FGF12: variants seen among roughly 807,000 people sequenced by gnomAD.
The protein encoded by FGF12 is fibroblast growth factor 12B.
A neutral mutation model predicts 23.6 loss-of-function variants in FGF12; 14 were observed. That is an observed-to-expected ratio of 0.59 (90% CI 0.39 to 0.93). The LOEUF (loss-of-function observed/expected upper bound fraction) is 0.93, where lower values mean the gene tolerates loss of function less well. Ranked by LOEUF, FGF12 falls within the 40% of genes least tolerant of loss-of-function variation. FGF12 has a pLI of 0.00. For synonymous variants in FGF12, 62 were observed against 77.3 expected (o/e 0.80, Z 1.04); for missense variants, 175 against 217.8 (o/e 0.80, Z 1.24).
chr3:192,651,386 C>A (rs1317779278), intron 2 of FGF12, among the ~76,000 whole-genome samples: 1 of 152,136 alleles, frequency 6.6e-6, no homozygotes, highest in African/African-American at 2.4e-5. Context: ...AGGTCTCACA[C>A]CCTGTCAAGC....
intron 2 of FGF12, among the ~76,000 whole-genome samples, chr3:192,493,277 A>T (rs1248885332): frequency 4.6e-5 from 7 of 152,156 alleles, no homozygotes; most frequent in Admixed American, 4.6e-4. Context: ...TCTCTGCAAC[A>T]TCAATCTGTG....
chr3:192,708,028 C>T lies in FGF12; in HGVS notation c.13+19153G>A, dbSNP rs567679998. ...AGGCTGGAGTGCTGTGGCGCGATCT[C>T]GGCTCACTGCAAGCTCCGCCTCCTG... On this transcript the variant is annotated intron_variant, in intron 2 of 5. Transcript: ENST00000445105. Among the ~76,000 whole-genome samples, 110 of 152,212 alleles carry T rather than the reference C, an allele frequency of 7.2e-4. 3 individuals are homozygous for T. Among genetic ancestry groups the T allele is most frequent in the African/African-American group, 2.4e-3 (100 of 41,538 alleles).
chr3:192,158,568 C>T (rs901760892), intron 5 of FGF12, among the ~76,000 whole-genome samples: 13 of 109,714 alleles, frequency 1.2e-4, no homozygotes, highest in African/African-American at 5.2e-4. Context: ...CCCTCCCTTT[C>T]TTTCTCTTTC....
intron 4 of FGF12, among the ~76,000 whole-genome samples, chr3:192,253,571 A>G (rs1235511841): frequency 2.0e-5 from 3 of 152,172 alleles, no homozygotes; most frequent in Non-Finnish European, 4.4e-5. Context: ...AAATGTGTCC[A>G]GAATTACAGA....
At chr3:192,536,353 T>G (rs1725222252) in intron 2 of FGF12, among the ~76,000 whole-genome samples, 1 of 152,172 alleles carries the variant, frequency 6.6e-6, no homozygotes, top group Admixed American at 6.6e-5. Context: ...TAGACAGATT[T>G]TAAAACATAT....
rs147902307 is a variant in FGF12, at chr3:192,316,825, C to T, written c.228+18536G>A. ...CCCCAGGCAGTGCAGCTAGCAGCTA[C>T]GGGAGAGACATCTTCCTTCTGCTTA... On this transcript the variant is annotated intron_variant, in intron 4 of 5. Coordinates refer to ENST00000445105, the MANE Select transcript of FGF12 (RefSeq NM_004113.6). 1.6e-3 allele frequency among the ~76,000 whole-genome samples: 245 copies of T among 152,252 alleles called. 1 individual carries two copies. The highest frequency in any genetic ancestry group is 4.5e-3 in the African/African-American group (187 of 41,550).
intron 2 of FGF12, among the ~76,000 whole-genome samples, chr3:192,550,030 C>A (rs370302320): frequency 3.9e-5 from 6 of 152,072 alleles, no homozygotes; most frequent in African/African-American, 9.6e-5. Context: ...CTGTCTCTCT[C>A]TATATATGTA....
At chr3:192,625,230 T>G (rs1715125125) in intron 2 of FGF12, among the ~76,000 whole-genome samples, 2 of 152,146 alleles carry the variant, frequency 1.3e-5, no homozygotes, top group African/African-American at 4.8e-5. Flanking sequence ...TATCTGTAAT[T>G]TTGACAGATG....
At chr3:192,455,625 T>C (rs1302012481) in intron 2 of FGF12, among the ~76,000 whole-genome samples, 1 of 152,224 alleles carries the variant, frequency 6.6e-6, no homozygotes, top group Non-Finnish European at 1.5e-5. Flanking sequence ...ATGCTAAATA[T>C]AAACATACGT....
chr3:192,399,955 C>T (rs1720687743), intron 2 of FGF12, among the ~76,000 whole-genome samples: 1 of 152,140 alleles, frequency 6.6e-6, no homozygotes, highest in African/African-American at 2.4e-5. Context: ...GTTACAAGAC[C>T]GCCACCCTCA....
chr3:192,482,351 G>A (rs552230936), intron 2 of FGF12, among the ~76,000 whole-genome samples: 1 of 152,212 alleles, frequency 6.6e-6, no homozygotes, highest in South Asian at 2.1e-4. Flanking sequence ...AAAACAGTAT[G>A]AGCCGGACGT....
At chr3:192,511,461 G>T (rs910601230) in intron 2 of FGF12, among the ~76,000 whole-genome samples, 3 of 152,076 alleles carry the variant, frequency 2.0e-5, no homozygotes, top group African/African-American at 7.2e-5. Context: ...CATTTCCCCT[G>T]ACTACATTTT....
Position 192,408,358 on chromosome 3 carries a change from G to A in FGF12, c.14-47820C>T, listed in dbSNP as rs1576959059. The A allele has an allele frequency of 2.5e-5, 36 of 1,424,352 alleles. No individual in the cohort carries two copies. In the East Asian group the frequency reaches 9.2e-4, roughly 37 times the overall value. 88.2% of individuals were successfully genotyped at this position (1,424,352 alleles called of 1,614,324 possible). A position where few individuals can be genotyped will look rare whatever the true frequency, so the allele number is the denominator to read the frequency against. ...GGCAGTGCTAAAATTTGAGGAGGCT[G>A]CAGTATCGAAAACCCGGCGCTCACA... On this transcript the variant is annotated intron_variant, in intron 2 of 5. Coordinates refer to ENST00000445105, the MANE Select transcript of FGF12 (RefSeq NM_004113.6). The surrounding 1 kb of genome is among the most constrained non-coding windows in gnomAD (Gnocchi z 7.3).
At chr3:192,157,760 GCA>G (rs1463477308) in intron 5 of FGF12, among the ~76,000 whole-genome samples, 1 of 152,130 alleles carries the variant, frequency 6.6e-6, no homozygotes, top group African/African-American at 2.4e-5. Context: ...TATTTATAAA[GCA>G]CACAGCTATA....
intron 4 of FGF12, among the ~76,000 whole-genome samples, chr3:192,215,689 G>C (rs959901039): frequency 2.0e-5 from 3 of 152,142 alleles, no homozygotes; most frequent in Non-Finnish European, 2.9e-5. Context: ...AGCCATCTCT[G>C]TACAGATTAG....
chr3:192,167,462 A>G (rs1041574340), intron 5 of FGF12, among the ~76,000 whole-genome samples: 1 of 151,988 alleles, frequency 6.6e-6, no homozygotes, highest in Non-Finnish European at 1.5e-5. Flanking sequence ...GGAGAGAGGT[A>G]GTAAAAGCTG....
intron 4 of FGF12, among the ~76,000 whole-genome samples, chr3:192,297,275 A>C (rs891289224): frequency 6.6e-6 from 1 of 152,246 alleles, no homozygotes; most frequent in Admixed American, 6.5e-5. Flanking sequence ...TAAAAATTAA[A>C]AACGTCTTCT....
intron 4 of FGF12, among the ~76,000 whole-genome samples, chr3:192,179,637 C>A (rs1002187843): frequency 2.6e-5 from 4 of 151,886 alleles, no homozygotes; most frequent in African/African-American, 9.7e-5. Flanking sequence ...CCTCCGCCTC[C>A]CGGGTTCAAG....
intron 2 of FGF12, among the ~76,000 whole-genome samples, chr3:192,442,896 C>A (rs1297162535): frequency 1.2e-4 from 18 of 151,774 alleles, no homozygotes; most frequent in Admixed American, 1.2e-3. Flanking sequence ...CAACCTCCGC[C>A]CTCCGAGTTC....
Sources: allele counts gnomAD v4.1 joint callset (sites outside exome capture counted in the v4.1 genomes callset), GRCh38; gene constraint gnomAD v4.1.1; non-coding constraint Gnocchi (gnomAD v3.1); transcripts MANE v1.5; gene names NCBI Gene and HGNC (gene_info 2026-07-23, HGNC 2026-07-21).